SLC25A14: variants seen among roughly 807,000 people sequenced by gnomAD.
The protein encoded by SLC25A14 is solute carrier family 25 member 14, also known as brain mitochondrial carrier protein 1.
In SLC25A14, 8 loss-of-function variants were observed where a neutral mutation model predicts 28.1. The observed-to-expected ratio is 0.28, with a 90% CI of 0.17 to 0.51. The LOEUF is 0.51. Ranked by LOEUF, SLC25A14 falls within the 20% of genes least tolerant of loss-of-function variation. SLC25A14 has a pLI of 0.97. For missense variants in SLC25A14, 135 were observed against 263.8 expected, an observed-to-expected ratio of 0.51 and a Z score of 3.38; for synonymous variants, 74 against 90.6, an observed-to-expected ratio of 0.82 and a Z score of 1.04.
At chrX:130,369,181 T>G (rs2034202647) in intron 9 of SLC25A14, among the ~76,000 whole-genome samples, 2 of 111,418 alleles carry the variant, frequency 1.8e-5, no homozygotes, top group Non-Finnish European at 3.8e-5. Context: ...CCTGTAGTCT[T>G]AGCTACTCGG....
At chrX:130,370,562 T>C (rs2034239575) in intron 9 of SLC25A14, among the ~76,000 whole-genome samples, 1 of 112,012 alleles carries the variant, frequency 8.9e-6, no homozygotes, top group Admixed American at 9.5e-5. Flanking sequence ...TTGTATAAAG[T>C]AGGAAACCAA....
At chrX:130,356,254 T>C (rs1357632103) in intron 6 of SLC25A14, among the ~76,000 whole-genome samples, 1 of 86,474 alleles carries the variant, frequency 1.2e-5, no homozygotes, top group Non-Finnish European at 2.2e-5. Context: ...TGAGATGGAG[T>C]CTCGCTCTGT....
At chrX:130,369,921 C>T (rs1463514949) in intron 9 of SLC25A14, among the ~76,000 whole-genome samples, 2 of 112,022 alleles carry the variant, frequency 1.8e-5, no homozygotes, top group Non-Finnish European at 3.8e-5. Context: ...ATGTTATGCT[C>T]TCATTTATAA....
chrX:130,341,795 C>T (rs2033269969), intron 2 of SLC25A14, among the ~76,000 whole-genome samples: 1 of 111,603 alleles, frequency 9.0e-6, no homozygotes, highest in African/African-American at 3.3e-5. Context: ...GGGGTTAGCC[C>T]CTACAAGTTA....
chrX:130,341,456 T>TA (rs1188278640), intron 2 of SLC25A14, among the ~76,000 whole-genome samples: 1 of 112,310 alleles, frequency 8.9e-6, no homozygotes, highest in East Asian at 2.8e-4. Context: ...TTTGGGCATT[T>TA]AGCATGCCTT....
chrX:130,352,961 A>G (rs981620620), intron 6 of SLC25A14, among the ~76,000 whole-genome samples: 1 of 112,107 alleles, frequency 8.9e-6, no homozygotes, highest in Non-Finnish European at 1.9e-5. Context: ...ATTGCTTTTG[A>G]TGACTTAGTC....
At chrX:130,344,096 T>C (rs2033349636) in intron 2 of SLC25A14, among the ~76,000 whole-genome samples, 1 of 112,437 alleles carries the variant, frequency 8.9e-6, no homozygotes, top group South Asian at 3.6e-4. Context: ...TTGAAAGAAA[T>C]CTGAGAGTCC....
At chrX:130,372,475 T>G (rs1480800340) in intron 10 of SLC25A14, among the ~76,000 whole-genome samples, 1 of 107,650 alleles carries the variant, frequency 9.3e-6, no homozygotes, top group Admixed American at 9.9e-5. Context: ...TTTTATTTTT[T>G]TTTTTGAGAT....
intron 6 of SLC25A14, among the ~76,000 whole-genome samples, chrX:130,357,445 A>G (rs1198736473): frequency 1.8e-5 from 2 of 111,975 alleles, no homozygotes; most frequent in Admixed American, 9.5e-5. Flanking sequence ...GCCTAAGAAA[A>G]GTACTTCACT....
At chrX:130,358,509 T>C in intron 6 of SLC25A14, 131 bp from the exon 7 acceptor site, 1 of 431,678 alleles carries the variant, frequency 2.3e-6, no homozygotes. Context: ...ATAGCAGATA[T>C]TTTTCTGGGA....
At chrX:130,363,294 C>T (rs1345926768) in intron 7 of SLC25A14, among the ~76,000 whole-genome samples, 1 of 112,294 alleles carries the variant, frequency 8.9e-6, no homozygotes, top group East Asian at 2.8e-4. Context: ...AATGGAATCA[C>T]GCAATATGTA....
intron 2 of SLC25A14, among the ~76,000 whole-genome samples, chrX:130,344,524 G>C (rs2033367302): frequency 9.0e-6 from 1 of 111,220 alleles, no homozygotes; most frequent in Non-Finnish European, 1.9e-5. Flanking sequence ...TGTTTTAAAA[G>C]GCCAAGAGGA....
Position 130,340,215 on chromosome X carries a change from C to T in SLC25A14, c.-64C>T, listed in dbSNP as rs2033201181. 4 of 1,204,303 alleles carry T rather than the reference C, an allele frequency of 3.3e-6. No individual in the cohort carries two copies. The highest frequency in any genetic ancestry group is 4.5e-6 in the Non-Finnish European group (4 of 892,058). ...GAGGCCGCCTTCTTCAGGCGCCTCC[C>T]TTCTCTCCACGAGCTCGCTCTGACA... is the stretch of plus-strand genomic sequence containing the variant. On this transcript the variant is annotated 5_prime_UTR_variant, in exon 2 of 11. Transcript: ENST00000545805.
chrX:130,364,520 C>A, intron 7 of SLC25A14, 108 bp from the exon 8 acceptor site: 1 of 505,126 alleles, frequency 2.0e-6, no homozygotes, highest in Non-Finnish European at 3.3e-6. Flanking sequence ...GTCTGTACTT[C>A]AGACTTGTAT....
At chrX:130,359,079 G>A (rs1299726433) in intron 7 of SLC25A14, 1 of 946,448 alleles carries the variant, frequency 1.1e-6, no homozygotes, top group Non-Finnish European at 1.4e-6. Flanking sequence ...CCGGCTGTGT[G>A]CTGTGGCTCA....
chrX:130,353,684 C>T (rs1180698858), intron 6 of SLC25A14, among the ~76,000 whole-genome samples: 1 of 111,790 alleles, frequency 8.9e-6, no homozygotes, highest in Non-Finnish European at 1.9e-5. Flanking sequence ...AAAATATTTT[C>T]TTGACCCTCT....
chrX:130,365,655 C>T lies in SLC25A14; in HGVS notation c.834C>T (p.Gly278=), dbSNP rs2034098476. The part of the protein sequence containing the change: ...AIVGHVDLYK[G]TVDGILKMWK... ...TGGGACATGTGGATCTCTATAAGGG[C>T]ACTGTTGATGGTATTTTAAAGGTAA... The change falls in exon 9 of 11, where the codon GGC becomes GGT. Residue 278 remains glycine (G), a synonymous_variant. Coordinates refer to ENST00000545805, the MANE Select transcript of SLC25A14 (RefSeq NM_001282195.2). The T allele has an allele frequency of 2.5e-6, 3 of 1,206,133 alleles. No homozygotes were observed. The highest frequency in any genetic ancestry group is 3.4e-6 in the Non-Finnish European group (3 of 892,095).
In SLC25A14 at chrX:130,364,751, G is replaced by T. The variant is rs764640101; in HGVS notation, c.718G>T (p.Val240Phe). 1 of 1,202,772 alleles carries T rather than the reference G, an allele frequency of 8.3e-7. No homozygotes were observed. Among genetic ancestry groups the T allele is most frequent in the South Asian group, 1.8e-5 (1 of 56,747 alleles). ...MMGDTILTHF[V>F]SSFTCGLAGA... ...GGGCGATACAATTTTAACTCACTTC[G>T]TGTAAGTAGGATGGGATGTGCTCAT... The change falls in exon 8 of 11, where the codon GTT (valine) becomes TTT (phenylalanine). Residue 240 changes from valine (V) to phenylalanine (F), a missense_variant and splice_region_variant. Val to Phe is a conservative substitution (Grantham distance 50, BLOSUM62 -1). Coordinates refer to ENST00000545805, the MANE Select transcript of SLC25A14 (RefSeq NM_001282195.2).
chrX:130,356,971 A>G (rs1378338645), intron 6 of SLC25A14, among the ~76,000 whole-genome samples: 3 of 111,408 alleles, frequency 2.7e-5, no homozygotes, highest in Non-Finnish European at 5.7e-5. Context: ...GGAGAGATCT[A>G]TCGAAATCCA....
Sources: allele counts gnomAD v4.1 joint callset (sites outside exome capture counted in the v4.1 genomes callset), GRCh38; gene constraint gnomAD v4.1.1; transcripts MANE v1.5; gene names NCBI Gene and HGNC (gene_info 2026-07-23, HGNC 2026-07-21).